ABTB2: variants seen among roughly 807,000 people sequenced by gnomAD.
ABTB2 encodes ankyrin repeat and BTB/POZ domain-containing protein 2.
ABTB2 carries 56 observed loss-of-function variants against 104.1 expected under a neutral mutation model. The observed-to-expected ratio is 0.54, with a 90% CI of 0.43 to 0.67. The LOEUF is 0.67. ABTB2 is among the 30% of genes least tolerant of loss of function. ABTB2 has a pLI of 0.00. For missense variants in ABTB2, 1,279 were observed against 1,407.7 expected (o/e 0.91, Z 1.46); for synonymous variants, 606 against 608.2 (o/e 1.00, Z 0.05).
chr11:34,229,367 G>C (rs1853737340), intron 1 of ABTB2, among the ~76,000 whole-genome samples: 1 of 151,080 alleles, frequency 6.6e-6, no homozygotes, highest in African/African-American at 2.4e-5. Flanking sequence ...TGTAGTCCCA[G>C]CTACTCGGGA....
chr11:34,229,197 T>C (rs951493879), intron 1 of ABTB2, among the ~76,000 whole-genome samples: 22 of 151,308 alleles, frequency 1.5e-4, no homozygotes, highest in African/African-American at 4.9e-4. Context: ...GAATTATTTA[T>C]TCTGGCCGGG....
At chr11:34,284,566 G>A (rs771699986) in intron 1 of ABTB2, among the ~76,000 whole-genome samples, 1 of 152,178 alleles carries the variant, frequency 6.6e-6, no homozygotes, top group Non-Finnish European at 1.5e-5. Context: ...GAAAGCTGAC[G>A]CTGGAAGAAA....
intron 3 of ABTB2, among the ~76,000 whole-genome samples, chr11:34,180,048 G>A (rs548704940): frequency 6.6e-6 from 1 of 152,324 alleles, no homozygotes; most frequent in African/African-American, 2.4e-5. Flanking sequence ...TGTTGACAGA[G>A]AAAATATATA....
intron 1 of ABTB2, among the ~76,000 whole-genome samples, chr11:34,268,967 G>A (rs963337307): frequency 6.6e-6 from 1 of 152,188 alleles, no homozygotes; most frequent in Non-Finnish European, 1.5e-5. Flanking sequence ...GTGACATTCC[G>A]AGGTCCTAGG....
At chr11:34,282,404 T>C (rs1035354457) in intron 1 of ABTB2, among the ~76,000 whole-genome samples, 2 of 152,200 alleles carry the variant, frequency 1.3e-5, no homozygotes, top group African/African-American at 4.8e-5. Flanking sequence ...AAAAGCAGGT[T>C]TTAAAATAGT....
At chr11:34,282,683 C>T (rs1436627598) in intron 1 of ABTB2, among the ~76,000 whole-genome samples, 3 of 151,690 alleles carry the variant, frequency 2.0e-5, no homozygotes, top group Admixed American at 6.6e-5. Context: ...TGCACCACCA[C>T]ACCTGGCTAA....
intron 5 of ABTB2, among the ~76,000 whole-genome samples, chr11:34,169,167 C>T (rs1049309922): frequency 3.3e-5 from 5 of 152,150 alleles, no homozygotes; most frequent in African/African-American, 1.2e-4. Context: ...ACTTGACTTA[C>T]TTTTTTCTCC....
chr11:34,335,549 C>T (rs540473825), intron 1 of ABTB2: 376 of 1,329,830 alleles, frequency 2.8e-4, no homozygotes, highest in Middle Eastern at 1.8e-3. Flanking sequence ...ATTCTGGACA[C>T]GTTTGTATTG....
intron 1 of ABTB2, among the ~76,000 whole-genome samples, chr11:34,286,441 C>A (rs61880459): frequency 3.9e-5 from 6 of 152,042 alleles, no homozygotes; most frequent in South Asian, 4.2e-4. Context: ...TACAGGCACC[C>A]GCCACCACAC....
chr11:34,167,815 A>T, intron 6 of ABTB2, 88 bp downstream of exon 6: 1 of 1,409,610 alleles, frequency 7.1e-7, no homozygotes, highest in Middle Eastern at 1.9e-4. Context: ...CAGTTGCCCA[A>T]AACATCACGC....
chr11:34,300,669 C>G (rs1250090791), intron 1 of ABTB2, among the ~76,000 whole-genome samples: 1 of 151,918 alleles, frequency 6.6e-6, no homozygotes, highest in Non-Finnish European at 1.5e-5. Flanking sequence ...AGAGCTCATA[C>G]ATCTCATAGC....
intron 1 of ABTB2, among the ~76,000 whole-genome samples, chr11:34,349,027 C>G (rs912025325): frequency 6.6e-6 from 1 of 152,224 alleles, no homozygotes; most frequent in Non-Finnish European, 1.5e-5. Flanking sequence ...AGTACTTGGG[C>G]TGTGTTCCTT....
intron 1 of ABTB2, among the ~76,000 whole-genome samples, chr11:34,288,462 A>G (rs1854529936): frequency 6.6e-6 from 1 of 152,198 alleles, no homozygotes. Context: ...AAGATTTCCA[A>G]TAGCTGGGTC....
At chr11:34,195,097 G>GC (rs1853239321) in intron 3 of ABTB2, among the ~76,000 whole-genome samples, 1 of 110,436 alleles carries the variant, frequency 9.1e-6, no homozygotes, top group Non-Finnish European at 2.0e-5. Flanking sequence ...GTGGGGGCGG[G>GC]AGAAAGTGCC....
At chr11:34,287,973 G>C (rs1854525936) in intron 1 of ABTB2, among the ~76,000 whole-genome samples, 1 of 152,170 alleles carries the variant, frequency 6.6e-6, no homozygotes, top group South Asian at 2.1e-4. Flanking sequence ...GATCAAGACC[G>C]AATGAATAAG....
intron 1 of ABTB2, among the ~76,000 whole-genome samples, chr11:34,322,838 C>T (rs1288835869): frequency 6.6e-6 from 1 of 152,092 alleles, no homozygotes; most frequent in Non-Finnish European, 1.5e-5. Flanking sequence ...ACCACCCACC[C>T]AGCTAATTTT....
chr11:34,160,851 G>A (rs371485631), intron 11 of ABTB2, 52 bp downstream of exon 11: 51 of 1,542,394 alleles, frequency 3.3e-5, no homozygotes, highest in South Asian at 1.5e-4. Flanking sequence ...TGTGTGTCCC[G>A]TGGTCTGAGT....
chr11:34,321,472 A>G (rs1051725700), intron 1 of ABTB2, among the ~76,000 whole-genome samples: 3 of 152,266 alleles, frequency 2.0e-5, no homozygotes, highest in African/African-American at 7.2e-5. Flanking sequence ...TAGAGACAAT[A>G]TTGCTTTATC....
At chr11:34,268,515 C>A (rs979912213) in intron 1 of ABTB2, among the ~76,000 whole-genome samples, 1 of 152,192 alleles carries the variant, frequency 6.6e-6, no homozygotes, top group African/African-American at 2.4e-5. Flanking sequence ...GTCATTGGAA[C>A]TTGCCGTGCC....
Sources: allele counts gnomAD v4.1 joint callset (sites outside exome capture counted in the v4.1 genomes callset), GRCh38; gene constraint gnomAD v4.1.1; transcripts MANE v1.5; gene names NCBI Gene and HGNC (gene_info 2026-07-23, HGNC 2026-07-21).